The following CAMTA1 variants were observed in gnomAD, a reference collection of about 807,000 sequenced individuals.
CAMTA1 encodes the protein calmodulin binding transcription activator 1, also known as calmodulin-binding transcription activator 1.
A neutral mutation model predicts 170.9 loss-of-function variants in CAMTA1; 27 were observed. That is an observed-to-expected ratio of 0.16 (90% confidence interval 0.12 to 0.22). CAMTA1 has a LOEUF of 0.22. CAMTA1 is among the 10% of genes least tolerant of loss of function. CAMTA1 has a pLI of 1.00. For synonymous variants in CAMTA1, 833 were observed against 891.5 expected, an observed-to-expected ratio of 0.93 and a Z score of 1.17; for missense variants, 1,619 against 2,217.2, an observed-to-expected ratio of 0.73 and a Z score of 5.42.
chr1:6,852,098 T>C (rs1660619837), intron 3 of CAMTA1, among the ~76,000 whole-genome samples: 1 of 150,946 alleles, frequency 6.6e-6, no homozygotes. Context: ...TCTCAATAGA[T>C]GTAATAGTGC....
At chr1:7,499,077 G>A (rs1164572277) in intron 6 of CAMTA1, among the ~76,000 whole-genome samples, 4 of 146,972 alleles carry the variant, frequency 2.7e-5, no homozygotes, top group African/African-American at 1.0e-4. Context: ...ATGTATATGA[G>A]TGTGTGTGTG....
At chr1:7,650,920 G>A (rs961709143) in intron 7 of CAMTA1, among the ~76,000 whole-genome samples, 4 of 152,150 alleles carry the variant, frequency 2.6e-5, no homozygotes, top group Admixed American at 2.6e-4. Flanking sequence ...AAACCAACCC[G>A]GCTGCCATTT....
At position 6,988,229 on chromosome 1, in the gene CAMTA1, TG is replaced by T. The variant is rs1054677893; in HGVS notation, c.235-103072del. 3.8e-4 allele frequency among the ~76,000 whole-genome samples: 58 copies of T among 152,064 alleles called. 1 individual carries two copies. The highest frequency in any genetic ancestry group is 1.3e-3 in the African/African-American group (55 of 41,406). ...GTGCGGGTGCGCTGGGTGATTCTGC[TG>T]GGAGAAGGGCCGTGACGCTCCGAAA... On this transcript the variant is annotated intron_variant, in intron 3 of 22. Coordinates refer to ENST00000303635, the MANE Select transcript of CAMTA1 (RefSeq NM_015215.4).
At chr1:7,586,849 T>C (rs914775283) in intron 6 of CAMTA1, among the ~76,000 whole-genome samples, 3 of 151,914 alleles carry the variant, frequency 2.0e-5, no homozygotes, top group Admixed American at 2.0e-4. Flanking sequence ...GGAACTGAGG[T>C]GCCCCTTGCT....
At chr1:7,353,233 A>G (rs1333773868) in intron 5 of CAMTA1, among the ~76,000 whole-genome samples, 1 of 152,166 alleles carries the variant, frequency 6.6e-6, no homozygotes, top group Non-Finnish European at 1.5e-5. Flanking sequence ...TGTTGGCAGC[A>G]TAGTGCCTGG....
chr1:7,723,624 GC>G (rs995810197), intron 11 of CAMTA1, among the ~76,000 whole-genome samples: 1 of 152,068 alleles, frequency 6.6e-6, no homozygotes, highest in African/African-American at 2.4e-5. Context: ...AGCAAACATT[GC>G]CTTAACCAAA....
intron 5 of CAMTA1, among the ~76,000 whole-genome samples, chr1:7,307,083 C>T (rs1675706163): frequency 6.6e-6 from 1 of 151,850 alleles, no homozygotes; most frequent in Non-Finnish European, 1.5e-5. Flanking sequence ...CAAGGGACAA[C>T]CATATATCTC....
chr1:7,013,753 T>C (rs1364209873), intron 3 of CAMTA1, among the ~76,000 whole-genome samples: 1 of 152,210 alleles, frequency 6.6e-6, no homozygotes. Context: ...CATTGTGTTC[T>C]TGGTGAGGAG....
intron 6 of CAMTA1, among the ~76,000 whole-genome samples, chr1:7,552,518 G>A (rs2094816976): frequency 6.6e-6 from 1 of 152,250 alleles, no homozygotes; most frequent in Non-Finnish European, 1.5e-5. Flanking sequence ...GGTGGGACAG[G>A]AGCAGAGCAC....
At chr1:7,541,418 ATAT>A (rs1365826647) in intron 6 of CAMTA1, among the ~76,000 whole-genome samples, 1 of 152,218 alleles carries the variant, frequency 6.6e-6, no homozygotes, top group Admixed American at 6.5e-5. Context: ...AGAAGGGTTG[ATAT>A]TATGGCCACA....
chr1:7,260,919 T>G (rs1247776855), intron 5 of CAMTA1, among the ~76,000 whole-genome samples: 1 of 152,242 alleles, frequency 6.6e-6, no homozygotes, highest in Non-Finnish European at 1.5e-5. Context: ...ATGAATTGAT[T>G]ACTTAGAATG....
intron 6 of CAMTA1, among the ~76,000 whole-genome samples, chr1:7,476,480 A>G (rs2093421797): frequency 6.6e-6 from 1 of 152,152 alleles, no homozygotes; most frequent in Non-Finnish European, 1.5e-5. Context: ...GCCCTCTGAC[A>G]TGGGGCAAGC....
Position 7,565,178 on chromosome 1 carries a change from C to T in CAMTA1, c.511-75222C>T, listed in dbSNP as rs551428868. On this transcript the variant is annotated intron_variant, in intron 6 of 22. Transcript: ENST00000303635. This position sits in a 1 kb window ranked among gnomAD's most constrained non-coding sequence, Gnocchi z 4.5. ...ACACCCCCACCCTCCACTTGCCAGCCGATCACTGGGGCAGAAGGTGGGATC... is the reference window on the plus strand; with the variant it reads ...ACACCCCCACCCTCCACTTGCCAGCTGATCACTGGGGCAGAAGGTGGGATC... Among the ~76,000 whole-genome samples, 2 of 152,222 alleles carry T rather than the reference C, an allele frequency of 1.3e-5. No homozygotes were observed. The highest frequency in any genetic ancestry group is 2.1e-4 in the South Asian group (1 of 4,818).
rs767824479 is a variant in CAMTA1, at chr1:7,635,608, CAAAAAAAAA to C, written c.511-4781_511-4773del. On this transcript the variant is annotated intron_variant, in intron 6 of 22. Transcript: ENST00000303635. The surrounding 1 kb of genome is among the most constrained non-coding windows in gnomAD (Gnocchi z 4.4). ...TGGGGGACAGAGCAAGACTCCGTCT[CAAAAAAAAA>C]AAAAAAAAAATACAGGGCCCTGGCG... Among the ~76,000 whole-genome samples, 2 of 90,222 alleles carry C rather than the reference CAAAAAAAAA, an allele frequency of 2.2e-5. No homozygotes were observed. Among genetic ancestry groups the C allele is most frequent in the Non-Finnish European group, 5.0e-5 (2 of 39,874 alleles). The allele number at this position is 90,222 out of a possible 152,430, so 59.2% of individuals were successfully genotyped here.
intron 4 of CAMTA1, among the ~76,000 whole-genome samples, chr1:7,138,714 G>T (rs1344591629): frequency 6.6e-6 from 1 of 152,104 alleles, no homozygotes; most frequent in Admixed American, 6.5e-5. Context: ...CTGAAGATCT[G>T]CTGGGCATGG....
Position 7,640,497 on chromosome 1 carries a change from A to C in CAMTA1, c.608A>C (p.Lys203Thr). Residue 203 changes from lysine to threonine, a missense_variant, in exon 7 of 23, where the codon AAG (lysine) becomes ACG (threonine). Around this residue, in one of 8 missense-constraint regions of CAMTA1, gnomAD observed 97 missense variants for 225.4 expected, o/e 0.43. Coordinates refer to ENST00000303635, the MANE Select transcript of CAMTA1 (RefSeq NM_015215.4). ...ATCCTCTGCTCCATCAACACCGACA[A>C]GAAGGAGTGGGCGAAATGGACGAAA... ...GPILCSINTD[K>T]KEWAKWTKEE... 1.2e-6 allele frequency: 2 copies of C among 1,614,182 alleles called. No individual in the cohort carries two copies. The highest frequency in any genetic ancestry group is 1.7e-6 in the Non-Finnish European group (2 of 1,180,014).
chr1:6,819,060 C>T (rs1646175569), intron 1 of CAMTA1, among the ~76,000 whole-genome samples: 1 of 151,628 alleles, frequency 6.6e-6, no homozygotes. Flanking sequence ...CTCAAGCGAT[C>T]TTCCTACCAC....
chr1:7,191,456 T>C (rs1349163157), intron 4 of CAMTA1, among the ~76,000 whole-genome samples: 1 of 152,226 alleles, frequency 6.6e-6, no homozygotes, highest in Non-Finnish European at 1.5e-5. Flanking sequence ...GTTGTTTAGT[T>C]CCTTTACAAA....
intron 6 of CAMTA1, among the ~76,000 whole-genome samples, chr1:7,520,651 G>A (rs1383052917): frequency 2.0e-5 from 3 of 152,018 alleles, no homozygotes; most frequent in Non-Finnish European, 4.4e-5. Context: ...GCACCCAGCT[G>A]GGGAGCACTG....
Sources: allele counts gnomAD v4.1 joint callset (sites outside exome capture counted in the v4.1 genomes callset), GRCh38; gene constraint gnomAD v4.1.1; regional missense constraint gnomAD v4.1.1; non-coding constraint Gnocchi (gnomAD v3.1); transcripts MANE v1.5; gene names NCBI Gene and HGNC (gene_info 2026-07-23, HGNC 2026-07-21).